HHAT: variants seen among roughly 807,000 people sequenced by gnomAD.
The protein encoded by HHAT is hedgehog acyltransferase.
HHAT carries 47 observed loss-of-function variants against 70.8 expected under a neutral mutation model. That is an observed-to-expected ratio of 0.66 (90% CI 0.53 to 0.85). The LOEUF is 0.85. HHAT is among the 40% of genes least tolerant of loss of function. HHAT has a pLI of 0.00. For synonymous variants in HHAT, 228 were observed against 247.6 expected, an observed-to-expected ratio of 0.92 and a Z score of 0.74; for missense variants, 609 against 604.8, an observed-to-expected ratio of 1.01 and a Z score of -0.07.
chr1:210,428,140 C>T (rs1026629315), intron 7 of HHAT, among the ~76,000 whole-genome samples: 11 of 150,306 alleles, frequency 7.3e-5, no homozygotes, highest in African/African-American at 2.2e-4. Context: ...TTTGCATTTC[C>T]GTCCATCCAC....
rs541536794 is a variant in HHAT, at chr1:210,541,217, G to A, written c.1043+28029G>A. ...ATTAAAAAAATAGAGACAATACTGAGCAATGTTTCTGAATGAAACCACAAT... is the reference window on the plus strand; with the variant it reads ...ATTAAAAAAATAGAGACAATACTGAACAATGTTTCTGAATGAAACCACAAT... On this transcript the variant is annotated intron_variant, in intron 9 of 11. Coordinates refer to ENST00000261458, the MANE Select transcript of HHAT (RefSeq NM_018194.6). Among the ~76,000 whole-genome samples the A allele has an allele frequency of 3.9e-5, 6 of 152,190 alleles. No individual in the cohort carries two copies. In the South Asian group the frequency reaches 1.2e-3, roughly 32 times the overall value.
chr1:210,365,389 T>C (rs1388868959), intron 3 of HHAT, among the ~76,000 whole-genome samples: 1 of 145,080 alleles, frequency 6.9e-6, no homozygotes, highest in East Asian at 2.1e-4. Context: ...TGATCTTGGC[T>C]CACTGCAACC....
rs139771093 is a variant in HHAT, at chr1:210,497,827, G to A, written c.1008-15326G>A. Among the ~76,000 whole-genome samples, 7 of 150,842 alleles carry A rather than the reference G, an allele frequency of 4.6e-5. No individual in the cohort carries two copies. In the East Asian group the frequency reaches 5.9e-4, roughly 13 times the overall value. On this transcript the variant is annotated intron_variant, in intron 8 of 11. Transcript: ENST00000261458. Reference sequence around the variant, plus strand: ...GTTGCCCAGGCTGGAGTGCAGTGGCGCAATCTTGACTCACTGCAACCTCCA... The same window carrying A: ...GTTGCCCAGGCTGGAGTGCAGTGGCACAATCTTGACTCACTGCAACCTCCA...
chr1:210,421,711 C>T (rs1479286672), intron 7 of HHAT, among the ~76,000 whole-genome samples: 1 of 152,182 alleles, frequency 6.6e-6, no homozygotes, highest in African/African-American at 2.4e-5. Context: ...TCCCAAATTG[C>T]TGGGATTACA....
chr1:210,327,634 T>A (rs6689707), upstream of HHAT, among the ~76,000 whole-genome samples: 12,356 of 151,926 alleles, frequency 0.081, 562 homozygotes, highest in African/African-American at 0.12. Context: ...GCCTCCCAAG[T>A]GGCTGGGATT....
chr1:210,628,125 C>CCT (rs1670170110), intron 11 of HHAT, among the ~76,000 whole-genome samples: 1 of 152,084 alleles, frequency 6.6e-6, no homozygotes, highest in Non-Finnish European at 1.5e-5. Flanking sequence ...CCAGCTGTGA[C>CCT]CTAAGCATCT....
At chr1:210,411,494 CT>C (rs760785747) in intron 6 of HHAT, among the ~76,000 whole-genome samples, 2 of 152,206 alleles carry the variant, frequency 1.3e-5, no homozygotes, top group Non-Finnish European at 2.9e-5. Context: ...TGATTTACAC[CT>C]GTAATCCCAG....
At chr1:210,432,412 A>T (rs1390372886) in intron 7 of HHAT, among the ~76,000 whole-genome samples, 2 of 152,046 alleles carry the variant, frequency 1.3e-5, no homozygotes, top group South Asian at 4.1e-4. Context: ...AATTTATCAG[A>T]GGTTGAAAAG....
Position 210,667,076 on chromosome 1 carries a change from C to CAA in HHAT, c.1391-7198_1391-7197dup, listed in dbSNP as rs199677873. 1.7e-3 allele frequency among the ~76,000 whole-genome samples: 198 copies of CAA among 115,152 alleles called. 2 individuals are homozygous for CAA. The highest frequency in any genetic ancestry group is 0.016 in the South Asian group (55 of 3,434). 75.5% of individuals were successfully genotyped at this position (115,152 alleles called of 152,430 possible). On this transcript the variant is annotated intron_variant, in intron 11 of 11. Transcript: ENST00000261458. ...GCCTGGGCGACAGAGCAAAACATCT[C>CAA]AAAAAAAAAAAAAAATGAATTCTGG...
At chr1:210,360,260 G>A (rs2088126368) in intron 2 of HHAT, among the ~76,000 whole-genome samples, 1 of 151,500 alleles carries the variant, frequency 6.6e-6, no homozygotes, top group South Asian at 2.1e-4. Context: ...AGACAAAGGT[G>A]ATTTATATGA....
rs1680825368 is a variant in HHAT at position 210,674,489 on chromosome 1, AG to A, written c.*111del. 11 of 754,470 alleles carry A rather than the reference AG, an allele frequency of 1.5e-5. No homozygotes were observed. The South Asian group carries it at 1.9e-4, about 13-fold the overall frequency. 46.7% of individuals were successfully genotyped at this position (754,470 alleles called of 1,614,324 possible). A position where few individuals can be genotyped will look rare whatever the true frequency, so the allele number is the denominator to read the frequency against. ...TAAGGGATTTGATCTGCTCATCTTC[AG>A]TTGAATGCCCTCACTCCAAGACTGG... On this transcript the variant is annotated 3_prime_UTR_variant, in exon 12 of 12. Transcript: ENST00000261458.
chr1:210,498,774 CTTTT>C (rs36053258), intron 8 of HHAT, among the ~76,000 whole-genome samples: 1 of 119,856 alleles, frequency 8.3e-6, no homozygotes, highest in Non-Finnish European at 1.8e-5. Flanking sequence ...TTTTTTTTTT[CTTTT>C]TTTTTTTTTT....
intron 1 of HHAT, among the ~76,000 whole-genome samples, chr1:210,332,328 A>T (rs1194345314): frequency 6.6e-6 from 1 of 152,260 alleles, no homozygotes; most frequent in East Asian, 1.9e-4. Flanking sequence ...TGCAAGTGAC[A>T]TATCCTCGTG....
intron 3 of HHAT, 49 bp from the exon 4 acceptor site, chr1:210,387,419 C>A: frequency 1.4e-6 from 2 of 1,455,552 alleles, no homozygotes; most frequent in Non-Finnish European, 1.9e-6. Context: ...TGTGTTCTGA[C>A]TCAGACGTGT....
At chr1:210,516,737 T>TG (rs1553253961) in intron 9 of HHAT, among the ~76,000 whole-genome samples, 7 of 146,570 alleles carry the variant, frequency 4.8e-5, no homozygotes, top group African/African-American at 1.8e-4. Flanking sequence ...GTGTTTGGCA[T>TG]AAAAAAAAAA....
chr1:210,521,382 A>G (rs1470622387), intron 9 of HHAT, among the ~76,000 whole-genome samples: 1 of 152,226 alleles, frequency 6.6e-6, no homozygotes, highest in Non-Finnish European at 1.5e-5. Context: ...TGAAATGATT[A>G]TAAATGATAT....
At chr1:210,339,783 G>T (rs1307788742) in intron 1 of HHAT, among the ~76,000 whole-genome samples, 4 of 152,162 alleles carry the variant, frequency 2.6e-5, no homozygotes, top group Non-Finnish European at 2.9e-5. Context: ...TCCTTAAAAA[G>T]AATAAATGTT....
chr1:210,344,757 C>T (rs530035817), intron 1 of HHAT, among the ~76,000 whole-genome samples: 2 of 152,260 alleles, frequency 1.3e-5, no homozygotes, highest in African/African-American at 4.8e-5. Context: ...AGAGACTAGA[C>T]CTTGAAATAG....
intron 11 of HHAT, among the ~76,000 whole-genome samples, chr1:210,663,703 T>C (rs188318224): frequency 6.6e-6 from 1 of 152,320 alleles, no homozygotes; most frequent in East Asian, 1.9e-4. Flanking sequence ...CAAAGTGTGG[T>C]TCTCAGACCA....
Sources: allele counts gnomAD v4.1 joint callset (sites outside exome capture counted in the v4.1 genomes callset), GRCh38; gene constraint gnomAD v4.1.1; transcripts MANE v1.5; gene names NCBI Gene and HGNC (gene_info 2026-07-23, HGNC 2026-07-21).